TRPV1: variants seen among roughly 807,000 people sequenced by gnomAD.
TRPV1 encodes transient receptor potential cation channel subfamily V member 1.
In TRPV1, 82 loss-of-function variants were observed where a neutral mutation model predicts 82.3. The ratio of observed to expected loss-of-function variants is 1.00; its 90% CI spans 0.83 to 1.20. The LOEUF is 1.20. Ranked by LOEUF, TRPV1 falls within the 50% of genes most tolerant of loss-of-function variation. TRPV1 has a pLI of 0.00. For missense variants in TRPV1, 1,067 were observed against 1,096.8 expected, an observed-to-expected ratio of 0.97 and a Z score of 0.38; for synonymous variants, 515 against 467.7, an observed-to-expected ratio of 1.10 and a Z score of -1.30.
At chr17:3,567,681 G>T (rs1027989932) in intron 16 of TRPV1, among the ~76,000 whole-genome samples, 5 of 151,790 alleles carry the variant, frequency 3.3e-5, no homozygotes, top group African/African-American at 1.2e-4. Context: ...TCAACACCAG[G>T]GCAGCTCTGG....
intron 10 of TRPV1, among the ~76,000 whole-genome samples, chr17:3,582,130 C>T (rs138496737): frequency 0.22 from 29,980 of 135,112 alleles, 3,403 homozygotes; most frequent in Admixed American, 0.28. Flanking sequence ...GCGGAGCTTG[C>T]AGTGAGTGGA....
At chr17:3,577,869 A>G (rs2074955728) in intron 11 of TRPV1, 106 bp from the exon 12 acceptor site, 2 of 1,095,620 alleles carry the variant, frequency 1.8e-6, no homozygotes, top group Non-Finnish European at 2.6e-6. Context: ...GCAGGCCGCA[A>G]TAGGAGCTAG....
chr17:3,599,603 C>G (rs2075246930), intron 2 of TRPV1, among the ~76,000 whole-genome samples: 1 of 151,368 alleles, frequency 6.6e-6, no homozygotes, highest in Admixed American at 6.6e-5. Context: ...CATGTAGTAG[C>G]CTGTAAGAGA....
chr17:3,569,985 C>CCAGGGGCCAAGT (rs1567656459), intron 16 of TRPV1, among the ~76,000 whole-genome samples: 3 of 63,074 alleles, frequency 4.8e-5, no homozygotes, highest in East Asian at 6.9e-4. Flanking sequence ...AGGGGCCAAG[C>CCAGGGGCCAAGT]GGTCAGGGAG....
chr17:3,570,542 C>A (rs2074839012), intron 16 of TRPV1, among the ~76,000 whole-genome samples: 1 of 152,114 alleles, frequency 6.6e-6, no homozygotes, highest in African/African-American at 2.4e-5. Context: ...AATTCAAAAA[C>A]AAAGTGTTCA....
At chr17:3,576,279 A>T (rs960873592) in intron 13 of TRPV1, among the ~76,000 whole-genome samples, 2 of 151,968 alleles carry the variant, frequency 1.3e-5, no homozygotes, top group African/African-American at 4.8e-5. Context: ...GCACTTTGGG[A>T]GGCCAAGGTG....
chr17:3,608,092 T>A (rs2075309630), intron 2 of TRPV1, among the ~76,000 whole-genome samples: 1 of 151,552 alleles, frequency 6.6e-6, no homozygotes, highest in Non-Finnish European at 1.5e-5. Flanking sequence ...GAGCCTGTAA[T>A]CTCAGCTACT....
intron 2 of TRPV1, among the ~76,000 whole-genome samples, chr17:3,605,741 A>G (rs913004498): frequency 1.3e-5 from 2 of 152,058 alleles, no homozygotes; most frequent in African/African-American, 2.4e-5. Flanking sequence ...TATGTAACCA[A>G]CTGTTGGTAT....
At position 3,605,948 on chromosome 17, in the gene TRPV1, ATTATTTAT is replaced by A. The variant is rs142109436; in HGVS notation, c.-34+2471_-34+2478del. 1.7e-3 allele frequency among the ~76,000 whole-genome samples: 249 copies of A among 150,256 alleles called. 4 individuals are homozygous for A. The highest frequency in any genetic ancestry group is 1.6e-3 in the Non-Finnish European group (108 of 67,670). On this transcript the variant is annotated intron_variant, in intron 2 of 16. Coordinates refer to ENST00000572705, the MANE Select transcript of TRPV1 (RefSeq NM_080704.4). ...CAGTGGCTTCAAACATCAAAGGTTTATTATTTATTTATTTATTTATTTATTTTAAAGAC... is the reference window on the plus strand; with the variant it reads ...CAGTGGCTTCAAACATCAAAGGTTTATTATTTATTTATTTATTTTAAAGAC...
chr17:3,591,467 A>T (rs2075157051), intron 3 of TRPV1, 114 bp from the exon 4 acceptor site: 8 of 1,261,784 alleles, frequency 6.3e-6, no homozygotes, highest in African/African-American at 1.5e-5. Flanking sequence ...AAAGGGGAAA[A>T]ATGATATAAA....
intron 2 of TRPV1, among the ~76,000 whole-genome samples, chr17:3,596,758 AC>A (rs918036930): frequency 7.2e-5 from 11 of 152,058 alleles, no homozygotes; most frequent in Non-Finnish European, 1.0e-4. Flanking sequence ...CACTCTTACT[AC>A]CCCCCGTTTT....
chr17:3,580,442 CAA>C lies in TRPV1; in HGVS notation c.1547+13_1547+14del. 1.2e-6 allele frequency: 2 copies of C among 1,613,506 alleles called. No individual in the cohort carries two copies. Among genetic ancestry groups the C allele is most frequent in the South Asian group, 1.1e-5 (1 of 91,068 alleles). On this transcript the variant is annotated intron_variant, in intron 11 of 16. Transcript: ENST00000572705. ...CCTGGGGACTGGACTGGGAATGAGT[CAA>C]AGTGTCACTTACAAAAGCATCTCAC...
In TRPV1 at chr17:3,590,265, A is replaced by C. The variant is rs775849504; in HGVS notation, c.732T>G (p.Pro244=). 5 of 1,613,940 alleles carry C rather than the reference A, an allele frequency of 3.1e-6. No individual in the cohort carries two copies. The highest frequency in any genetic ancestry group is 1.7e-4 in the Middle Eastern group (1 of 6,058). ...GDFFKKTKGR[P]GFYFGELPLS... Reference sequence around the variant, plus strand: ...CTGTCTCCCTACCGAAGTAGAATCCAGGCCGCCCTTTGGTTTTCTTAAAGA... The same window carrying C: ...CTGTCTCCCTACCGAAGTAGAATCCCGGCCGCCCTTTGGTTTTCTTAAAGA... Residue 244 remains proline (P), a synonymous_variant, in exon 6 of 17, where the codon CCT becomes CCG. Coordinates refer to ENST00000572705, the MANE Select transcript of TRPV1 (RefSeq NM_080704.4).
chr17:3,580,981 T>C (rs1468608523), intron 10 of TRPV1, among the ~76,000 whole-genome samples: 1 of 149,522 alleles, frequency 6.7e-6, no homozygotes, highest in Non-Finnish European at 1.5e-5. Flanking sequence ...ATCAGGCCAT[T>C]GCACTCCAGC....
At chr17:3,596,113 T>C (rs2075217318) in intron 2 of TRPV1, among the ~76,000 whole-genome samples, 1 of 152,222 alleles carries the variant, frequency 6.6e-6, no homozygotes, top group Non-Finnish European at 1.5e-5. Flanking sequence ...CTCATCAATC[T>C]GGACTAAAGG....
intron 3 of TRPV1, among the ~76,000 whole-genome samples, chr17:3,591,628 G>C (rs111622455): frequency 0.04 from 6,137 of 152,218 alleles, 209 homozygotes; most frequent in African/African-American, 0.091. Flanking sequence ...CTGCCTGCTC[G>C]GGAGCTCGGG....
chr17:3,569,964 G>GGTCAGGGAGGAGGGGCCAAGCA (rs1453377519), intron 16 of TRPV1, among the ~76,000 whole-genome samples: 2 of 136,022 alleles, frequency 1.5e-5, no homozygotes, highest in Non-Finnish European at 1.5e-5. Flanking sequence ...GGGGCCAAGG[G>GGTCAGGGAGGAGGGGCCAAGCA]GTCAGGGAGG....
At chr17:3,576,668 A>ATATATATAT (rs1555549457) in intron 13 of TRPV1, among the ~76,000 whole-genome samples, 3 of 38,426 alleles carry the variant, frequency 7.8e-5, no homozygotes, top group Non-Finnish European at 1.6e-4. Flanking sequence ...AAAAAAAAAA[A>ATATATATAT]ATATATATAT....
intron 5 of TRPV1, among the ~76,000 whole-genome samples, chr17:3,590,640 C>T (rs1000687235): frequency 1.3e-5 from 2 of 152,118 alleles, no homozygotes; most frequent in Non-Finnish European, 1.5e-5. Context: ...AAAATTGCCC[C>T]GGGGGCAAGG....
Sources: gnomAD v4.1 joint callset for allele counts (sites outside exome capture counted in the v4.1 genomes callset) on GRCh38, gnomAD v4.1.1 for gene constraint, MANE v1.5 for transcripts, NCBI Gene and HGNC (gene_info 2026-07-23, HGNC 2026-07-21) for gene names.